The following SNX3 variants were observed in gnomAD, a reference collection of about 807,000 sequenced individuals.
The protein encoded by SNX3 is sorting nexin-3.
Under a neutral mutation model 17.7 loss-of-function variants are expected in SNX3, and 5 were observed. The ratio of observed to expected loss-of-function variants is 0.28; its 90% CI spans 0.15 to 0.59. The LOEUF is 0.59. Among genes scored for constraint, SNX3 ranks in the 20% least tolerant of loss-of-function variants. The pLI, the probability that SNX3 is intolerant of heterozygous loss-of-function variation, is 0.88. For missense variants in SNX3, 132 were observed against 206.8 expected (o/e 0.64, Z 2.22); for synonymous variants, 91 against 76.5 (o/e 1.19, Z -0.99).
intron 3 of SNX3, among the ~76,000 whole-genome samples, chr6:108,213,944 A>G (rs990355273): frequency 5.9e-5 from 9 of 152,246 alleles, no homozygotes; most frequent in African/African-American, 1.7e-4. Flanking sequence ...ATTATTTTAC[A>G]AAATAGCTAT....
intron 1 of SNX3, among the ~76,000 whole-genome samples, chr6:108,224,966 T>C (rs948268481): frequency 6.6e-6 from 1 of 152,312 alleles, no homozygotes; most frequent in African/African-American, 2.4e-5. Flanking sequence ...ATTTCTATTA[T>C]CTTTTACTGG....
Position 108,223,045 on chromosome 6 carries a change from T to C in SNX3, c.163A>G (p.Thr55Ala). The C allele has an allele frequency of 6.3e-7, 1 of 1,580,426 alleles. No individual in the cohort carries two copies. The highest frequency in any genetic ancestry group is 8.7e-7 in the Non-Finnish European group (1 of 1,154,924). ...RFTTYEIRVK[T>A]NLPIFKLKES... is the part of the protein sequence containing the mutation. ...TTCAGCTTGAAAATAGGAAGATTTG[T>C]CTGAAACAAAAAAAGTTAGTCCTAA... is the stretch of plus-strand genomic sequence containing the variant. Residue 55 changes from threonine (T) to alanine (A), a missense_variant and splice_region_variant, in exon 2 of 4, where the codon ACA (threonine) becomes GCA (alanine). Around this residue, in one of 2 missense-constraint regions of SNX3, gnomAD observed 78 missense variants for 88.8 expected, o/e 0.88. Transcript: ENST00000230085.
chr6:108,237,689 T>A (rs530932105), intron 1 of SNX3, among the ~76,000 whole-genome samples: 2 of 151,624 alleles, frequency 1.3e-5, no homozygotes, highest in Non-Finnish European at 1.5e-5. Context: ...CTCAGGAGGC[T>A]GAGGCAGGAG....
At chr6:108,251,935 G>A (rs188828062) in intron 1 of SNX3, among the ~76,000 whole-genome samples, 309 of 151,920 alleles carry the variant, frequency 2.0e-3, no homozygotes, top group African/African-American at 7.1e-3. Context: ...GGTGGTGCAC[G>A]ACCTATATAT....
At chr6:108,222,684 A>G (rs942417860) in intron 2 of SNX3, among the ~76,000 whole-genome samples, 3 of 152,202 alleles carry the variant, frequency 2.0e-5, no homozygotes, top group African/African-American at 4.8e-5. Flanking sequence ...GATGAGGGAA[A>G]GGAAGGAAGT....
chr6:108,235,283 T>G (rs1775291313), intron 1 of SNX3, among the ~76,000 whole-genome samples: 1 of 152,198 alleles, frequency 6.6e-6, no homozygotes, highest in Admixed American at 6.5e-5. Context: ...GGACCTGATC[T>G]ACATCTCCAT....
chr6:108,213,649 C>CA (rs34482948), intron 3 of SNX3, among the ~76,000 whole-genome samples: 12,566 of 84,236 alleles, frequency 0.15, 691 homozygotes, highest in South Asian at 0.26. Flanking sequence ...AAGACTGTCT[C>CA]AAAAAAAAAA....
chr6:108,220,387 C>T (rs888440781), intron 2 of SNX3, among the ~76,000 whole-genome samples: 4 of 151,936 alleles, frequency 2.6e-5, no homozygotes, highest in Admixed American at 2.0e-4. Flanking sequence ...AAGTCTTCCA[C>T]GCTGTATTTT....
chr6:108,214,007 A>G (rs1774486644), intron 3 of SNX3, among the ~76,000 whole-genome samples: 1 of 152,228 alleles, frequency 6.6e-6, no homozygotes, highest in African/African-American at 2.4e-5. Context: ...GAGCTTATCA[A>G]GAGTTTCTAA....
At chr6:108,229,422 C>A (rs1056351237) in intron 1 of SNX3, among the ~76,000 whole-genome samples, 1 of 151,714 alleles carries the variant, frequency 6.6e-6, no homozygotes, top group African/African-American at 2.4e-5. Context: ...GCTTCCCCTC[C>A]CTCTCCCCCT....
chr6:108,248,498 T>C (rs1775757376), intron 1 of SNX3, among the ~76,000 whole-genome samples: 1 of 152,166 alleles, frequency 6.6e-6, no homozygotes, highest in African/African-American at 2.4e-5. Context: ...CTACTCAAGT[T>C]AAAGTTAACA....
At chr6:108,220,968 CA>C (rs561160526) in intron 2 of SNX3, among the ~76,000 whole-genome samples, 141 of 138,444 alleles carry the variant, frequency 1.0e-3, no homozygotes, top group Middle Eastern at 3.6e-3. Flanking sequence ...GGCTCAGTCT[CA>C]AAAAAAAAAA....
chr6:108,244,005 G>A (rs771190233), intron 1 of SNX3, among the ~76,000 whole-genome samples: 8 of 152,112 alleles, frequency 5.3e-5, no homozygotes, highest in Non-Finnish European at 1.2e-4. Flanking sequence ...AAACTGGACT[G>A]GCTATATTAG....
intron 3 of SNX3, among the ~76,000 whole-genome samples, chr6:108,213,649 CAAAAAA>C (rs34482948): frequency 2.4e-5 from 2 of 84,426 alleles, no homozygotes; most frequent in Admixed American, 2.7e-4. Context: ...AAGACTGTCT[CAAAAAA>C]AAAAAAAAAA....
At chr6:108,235,254 C>T (rs561192157) in intron 1 of SNX3, among the ~76,000 whole-genome samples, 85 of 152,326 alleles carry the variant, frequency 5.6e-4, no homozygotes, top group Non-Finnish European at 1.1e-3. Flanking sequence ...GTCTAACTCT[C>T]CCCATGAAGG....
chr6:108,224,161 G>T (rs1774905296), intron 1 of SNX3, among the ~76,000 whole-genome samples: 1 of 152,074 alleles, frequency 6.6e-6, no homozygotes, highest in African/African-American at 2.4e-5. Context: ...CAGAGACAGG[G>T]TCTCACTCCA....
chr6:108,260,087 G>A (rs1016299310), intron 1 of SNX3, among the ~76,000 whole-genome samples: 1 of 152,176 alleles, frequency 6.6e-6, no homozygotes, highest in African/African-American at 2.4e-5. Flanking sequence ...AATTAAGAGA[G>A]CAAGATCCCT....
chr6:108,259,234 TTTTA>T (rs1776116879), intron 1 of SNX3, among the ~76,000 whole-genome samples: 1 of 152,128 alleles, frequency 6.6e-6, no homozygotes, highest in African/African-American at 2.4e-5. Flanking sequence ...ATGATTCAAT[TTTTA>T]TTTATTTATT....
At chr6:108,253,196 T>G (rs1262963521) in intron 1 of SNX3, among the ~76,000 whole-genome samples, 1 of 152,152 alleles carries the variant, frequency 6.6e-6, no homozygotes, top group Non-Finnish European at 1.5e-5. Flanking sequence ...CTTTTTTAGA[T>G]TTTCCCCTTT....
Sources: allele counts gnomAD v4.1 joint callset (sites outside exome capture counted in the v4.1 genomes callset), GRCh38; gene constraint gnomAD v4.1.1; regional missense constraint gnomAD v4.1.1; transcripts MANE v1.5; gene names NCBI Gene and HGNC (gene_info 2026-07-23, HGNC 2026-07-21).